SF3B2: variants seen among roughly 807,000 people sequenced by gnomAD.
SF3B2 encodes the protein splicing factor 3b subunit 2.
In SF3B2, 22 loss-of-function variants were observed where a neutral mutation model predicts 116.3. That is an observed-to-expected ratio of 0.19 (90% CI 0.14 to 0.27). The LOEUF is 0.27. SF3B2 is among the 10% of genes least tolerant of loss of function. The pLI is 1.00. For synonymous variants in SF3B2, 406 were observed against 421.6 expected (o/e 0.96, Z 0.45); for missense variants, 767 against 1,151.4 (o/e 0.67, Z 4.83).
At position 66,056,950 on chromosome 11, in the gene SF3B2, C is replaced by T. The variant is rs750824769; in HGVS notation, c.662C>T (p.Pro221Leu). ...GQIGVRTPLG[P>L]RVAAPVGPVG... is the part of the protein sequence containing the mutation. ...ATTGGTGTGCGCACTCCTCTGGGTC[C>T]TCGAGGTGAGACCCTGGAACCGAGG... The change falls in exon 6 of 22, where the codon CCT (proline) becomes CTT (leucine). Residue 221 changes from proline (P) to leucine (L), a missense_variant. Pro to Leu is a moderately conservative substitution (Grantham distance 98). Coordinates refer to ENST00000322535, the MANE Select transcript of SF3B2 (RefSeq NM_006842.3). The T allele has an allele frequency of 1.2e-6, 2 of 1,611,080 alleles. No individual in the cohort carries two copies. Among genetic ancestry groups the T allele is most frequent in the African/African-American group, 1.3e-5 (1 of 74,970 alleles).
chr11:66,056,855 G>C lies in SF3B2; in HGVS notation c.567G>C (p.Glu189Asp). Residue 189 changes from glutamate (E) to aspartate (D), a missense_variant, in exon 6 of 22, where the codon GAG (glutamate) becomes GAC (aspartate). Glu to Asp is a conservative substitution (Grantham distance 45, BLOSUM62 2). Coordinates refer to ENST00000322535, the MANE Select transcript of SF3B2 (RefSeq NM_006842.3). ...EQQKRAAVLL[E>D]QERQQEIAKM... is the part of the protein sequence containing the mutation. ...TCCCGTAGGCAGCTGTGTTACTGGA[G>C]CAGGAACGACAGCAGGAGATTGCCA... is the stretch of plus-strand genomic sequence containing the variant. 1 of 1,613,954 alleles carries C rather than the reference G, an allele frequency of 6.2e-7. No individual in the cohort carries two copies. Among genetic ancestry groups the C allele is most frequent in the South Asian group, 1.1e-5 (1 of 91,076 alleles).
In SF3B2 at chr11:66,062,214, C is replaced by A. The variant is rs545641356; in HGVS notation, c.1977+216C>A. On this transcript the variant is annotated intron_variant, in intron 16 of 21. Coordinates refer to ENST00000322535, the MANE Select transcript of SF3B2 (RefSeq NM_006842.3). ...ACTGACATGCTCATCATAAAATATT[C>A]AGTCAGAATTGACAAGTACAAAGAT... is the stretch of plus-strand genomic sequence containing the variant. Among the ~76,000 whole-genome samples the A allele has an allele frequency of 2.6e-5, 4 of 152,270 alleles. No individual in the cohort carries two copies. The East Asian group carries it at 7.7e-4, about 29-fold the overall frequency.
intron 19 of SF3B2, chr11:66,066,704 T>TA (rs1357191401): frequency 6.6e-6 from 1 of 152,348 alleles, no homozygotes; most frequent in Non-Finnish European, 1.5e-5. Context: ...TAGTGGGAGT[T>TA]ACTCTATTCC....
intron 5 of SF3B2, 106 bp downstream of exon 5, chr11:66,055,691 C>G (rs1038084762): frequency 5.0e-6 from 5 of 999,444 alleles, no homozygotes; most frequent in Non-Finnish European, 7.7e-6. Flanking sequence ...CTACTTTGTT[C>G]TCAACTAAGT....
chr11:66,056,139 C>A (rs1214835712), intron 5 of SF3B2, among the ~76,000 whole-genome samples: 1 of 152,190 alleles, frequency 6.6e-6, no homozygotes, highest in Non-Finnish European at 1.5e-5. Context: ...CCGTGGCTCA[C>A]ACCTGTAATC....
At chr11:66,066,572 T>G (rs914739490) in intron 19 of SF3B2, 1 of 152,252 alleles carries the variant, frequency 6.6e-6, no homozygotes, top group African/African-American at 2.4e-5. Flanking sequence ...GATAGTTTGA[T>G]CCTTTCAGGT....
Position 66,068,786 on chromosome 11 carries a change from TG to T in SF3B2, c.*42del, listed in dbSNP as rs1319492005. 2.6e-6 allele frequency: 4 copies of T among 1,516,442 alleles called. No homozygotes were observed. The highest frequency in any genetic ancestry group is 2.8e-5 in the African/African-American group (2 of 72,502). 93.9% of individuals were successfully genotyped at this position (1,516,442 alleles called of 1,614,324 possible). ...CCCTTTTTTTGGCCCTACGTCTGGA[TG>T]CCTGGGCTTCACACAAGAACCACCT... On this transcript the variant is annotated 3_prime_UTR_variant, in exon 22 of 22. Transcript: ENST00000322535.
At chr11:66,062,734 A>G (rs896752585) in intron 16 of SF3B2, among the ~76,000 whole-genome samples, 3 of 152,230 alleles carry the variant, frequency 2.0e-5, no homozygotes, top group African/African-American at 2.4e-5. Flanking sequence ...CATGTTTTCA[A>G]TGTACGTATT....
At chr11:66,054,123 AGTG>A (rs1856947937) in intron 3 of SF3B2, among the ~76,000 whole-genome samples, 1 of 147,748 alleles carries the variant, frequency 6.8e-6, no homozygotes, top group Admixed American at 6.9e-5. Flanking sequence ...TGGACGGTGC[AGTG>A]AGCCAAGATC....
At chr11:66,055,892 T>C in intron 5 of SF3B2, 1 of 359,208 alleles carries the variant, frequency 2.8e-6, no homozygotes, top group East Asian at 4.5e-5. Flanking sequence ...ATATTTACCT[T>C]CTGACCTATT....
In SF3B2 at chr11:66,055,218, G is replaced by A. The variant is rs145088115; in HGVS notation, c.401G>A (p.Arg134His). ...AATTTGGGGCCCCCGCCTCCTCTCCGTGTGGGTGAGCCAGTGGCACTGTCA... is the reference window on the plus strand; with the variant it reads ...AATTTGGGGCCCCCGCCTCCTCTCCATGTGGGTGAGCCAGTGGCACTGTCA... ...PPNLGPPPPL[R>H]VGEPVALSEE... Residue 134 changes from arginine to histidine, a missense_variant, in exon 4 of 22, where the codon CGT becomes CAT. Arg to His is a conservative substitution (Grantham distance 29, BLOSUM62 0). Around this residue, in one of 4 missense-constraint regions of SF3B2, gnomAD observed 455 missense variants for 537.5 expected, o/e 0.85. Coordinates refer to ENST00000322535, the MANE Select transcript of SF3B2 (RefSeq NM_006842.3). 167 of 1,612,356 alleles carry A rather than the reference G, an allele frequency of 1.0e-4. 1 individual carries two copies. The African/African-American group carries it at 1.4e-3, about 14-fold the overall frequency.
Position 66,063,002 on chromosome 11 carries a change from C to G in SF3B2, c.1978-7C>G, listed in dbSNP as rs751890161. 3.7e-6 allele frequency: 6 copies of G among 1,607,320 alleles called. No individual in the cohort carries two copies. Among genetic ancestry groups the G allele is most frequent in the Middle Eastern group, 1.6e-4 (1 of 6,064 alleles). ...GGAGTGAACTGATTGTGCTCACTGT[C>G]TTGCAGAGCTGTTCCTTTGGGTACC... On this transcript the variant is annotated splice_region_variant and splice_polypyrimidine_tract_variant and intron_variant, in intron 16 of 21. Transcript: ENST00000322535.
rs1248698336 is a variant in SF3B2 at position 66,068,213 on chromosome 11, G to T, written c.2496G>T (p.Glu832Asp). Residue 832 changes from glutamate (E) to aspartate (D), a missense_variant, in exon 21 of 22, where the codon GAG becomes GAT. Around this residue, in one of 4 missense-constraint regions of SF3B2, gnomAD observed 282 missense variants for 568.0 expected, o/e 0.50. Transcript: ENST00000322535. ...QGVEVALAPE[E>D]LELDPMAMTQ... is the part of the protein sequence containing the mutation. The stretch of plus-strand genomic sequence containing the variant: ...TGGAAGTGGCGCTGGCGCCTGAAGA[G>T]TTGGAGCTGGATCCTATGGCCATGA... 1 of 1,614,242 alleles carries T rather than the reference G, an allele frequency of 6.2e-7. No individual in the cohort carries two copies. The highest frequency in any genetic ancestry group is 8.5e-7 in the Non-Finnish European group (1 of 1,180,046).
rs182543830 is a variant in SF3B2 at position 66,063,811 on chromosome 11, C to T, written c.2330+82C>T. On this transcript the variant is annotated intron_variant, in intron 19 of 21. Coordinates refer to ENST00000322535, the MANE Select transcript of SF3B2 (RefSeq NM_006842.3). The stretch of plus-strand genomic sequence containing the variant: ...GGCTGACTGTTGTTCCTTTCTCCCT[C>T]ATCCTTTTTTAAACAATTATTGAAC... The T allele has an allele frequency of 9.8e-5, 113 of 1,150,544 alleles. 1 individual carries two copies. The highest frequency in any genetic ancestry group is 3.6e-4 in the Admixed American group (13 of 36,012). The allele number at this position is 1,150,544 out of a possible 1,614,324, so 71.3% of individuals were successfully genotyped here.
In SF3B2 at chr11:66,058,055, T is replaced by C. The variant is rs1461223989; in HGVS notation, c.779T>C (p.Met260Thr). Residue 260 changes from methionine (M) to threonine (T), a missense_variant and splice_region_variant, in exon 8 of 22, where the codon ATG becomes ACG. By Grantham distance (81) the Met-to-Thr change is moderately conservative. Around this residue, in one of 4 missense-constraint regions of SF3B2, gnomAD observed 455 missense variants for 537.5 expected, o/e 0.85. Transcript: ENST00000322535. ...TCTCTGACTGGGTGTCTCTGGCAGA[T>C]GGATGACCCCTCTGTGGGCCCCAAG... Reference protein sequence around the residue: ...PPPPGDENREMDDPSVGPKIP... With the variant: ...PPPPGDENRETDDPSVGPKIP... 1.2e-6 allele frequency: 2 copies of C among 1,603,714 alleles called. No individual in the cohort carries two copies. Among genetic ancestry groups the C allele is most frequent in the Non-Finnish European group, 1.7e-6 (2 of 1,176,122 alleles).
chr11:66,068,367 A>C (rs1857223986), intron 21 of SF3B2, 34 bp downstream of exon 21: 1 of 1,525,328 alleles, frequency 6.6e-7, no homozygotes, highest in African/African-American at 1.4e-5. Context: ...GCTGGGTGAG[A>C]GCCAGGGACC....
chr11:66,063,760 G>A, intron 19 of SF3B2, 31 bp downstream of exon 19: 1 of 1,527,976 alleles, frequency 6.5e-7, no homozygotes, highest in Non-Finnish European at 8.8e-7. Context: ...TGAGAGGGGA[G>A]GACCTTCACT....
At position 66,056,829 on chromosome 11, in the gene SF3B2, C is replaced by G; in HGVS notation, c.550-9C>G. ...TCAGGCAGTATCTACTCCCACTTCC[C>G]TCCCGTAGGCAGCTGTGTTACTGGA... On this transcript the variant is annotated splice_polypyrimidine_tract_variant and intron_variant, in intron 5 of 21. Coordinates refer to ENST00000322535, the MANE Select transcript of SF3B2 (RefSeq NM_006842.3). The G allele has an allele frequency of 6.2e-7, 1 of 1,610,624 alleles. No homozygotes were observed. Among genetic ancestry groups the G allele is most frequent in the Non-Finnish European group, 8.5e-7 (1 of 1,176,944 alleles).
chr11:66,059,016 T>C lies in SF3B2; in HGVS notation c.1153T>C (p.Phe385Leu). The change falls in exon 10 of 22, where the codon TTC becomes CTC. Residue 385 changes from phenylalanine (F) to leucine (L), a missense_variant. By Grantham distance (22) the Phe-to-Leu change is conservative. Transcript: ENST00000322535. This position sits in a 1 kb window ranked among gnomAD's most constrained non-coding sequence, Gnocchi z 5.0. ...EPEIYEPNFI[F>L]FKRIFEAFKL... ...TGAAATTTACGAGCCCAACTTTATC[T>C]TCTTTAAGAGGATCTTTGAGGCTTT... 6.2e-7 allele frequency: 1 copy of C among 1,614,128 alleles called. No individual in the cohort carries two copies. The highest frequency in any genetic ancestry group is 2.2e-5 in the East Asian group (1 of 44,884).
Sources: gnomAD v4.1 joint callset for allele counts (sites outside exome capture counted in the v4.1 genomes callset) on GRCh38, gnomAD v4.1.1 for gene constraint, gnomAD v4.1.1 regional missense constraint, Gnocchi (gnomAD v3.1) non-coding constraint, MANE v1.5 for transcripts, NCBI Gene and HGNC (gene_info 2026-07-23, HGNC 2026-07-21) for gene names.